RIMBP2: variants seen among roughly 807,000 people sequenced by gnomAD.
RIMBP2 encodes the protein RIMS-binding protein 2.
In RIMBP2, 48 loss-of-function variants were observed where a neutral mutation model predicts 118.6. That is an observed-to-expected ratio of 0.40 (90% CI 0.32 to 0.51). The LOEUF is 0.51. Among genes scored for constraint, RIMBP2 ranks in the 20% least tolerant of loss-of-function variants. RIMBP2 has a pLI of 0.41. For missense variants in RIMBP2, 1,551 were observed against 1,768.3 expected, an observed-to-expected ratio of 0.88 and a Z score of 2.20; for synonymous variants, 762 against 742.9, an observed-to-expected ratio of 1.03 and a Z score of -0.42.
intron 4 of RIMBP2, among the ~76,000 whole-genome samples, chr12:130,496,328 A>G (rs1480446592): frequency 4.6e-5 from 7 of 152,018 alleles, no homozygotes; most frequent in African/African-American, 1.7e-4. Context: ...CATGACTTTC[A>G]CCTACCACCA....
intron 1 of RIMBP2, among the ~76,000 whole-genome samples, chr12:130,697,996 C>T (rs749936408): frequency 1.1e-4 from 16 of 152,252 alleles, no homozygotes; most frequent in Non-Finnish European, 2.4e-4. Context: ...GGATTTGAGC[C>T]GTCTTCAACA....
intron 1 of RIMBP2, among the ~76,000 whole-genome samples, chr12:130,681,927 C>T (rs1371241941): frequency 6.6e-6 from 1 of 152,120 alleles, no homozygotes; most frequent in Non-Finnish European, 1.5e-5. Context: ...GAACTCCTGA[C>T]CTCAAGTGAT....
At chr12:130,638,726 A>G (rs2062463596) in intron 1 of RIMBP2, among the ~76,000 whole-genome samples, 1 of 152,112 alleles carries the variant, frequency 6.6e-6, no homozygotes, top group Non-Finnish European at 1.5e-5. Flanking sequence ...CCACTGAACT[A>G]TAGTACATTG....
In RIMBP2 at chr12:130,446,076, T is replaced by C. The variant is rs1364635041; in HGVS notation, c.582-807A>G. ...TATCCATATTCTCCAGTCCTCAACATATTGGGATTAATAATTTTCAAAGCC... is the reference window on the plus strand; with the variant it reads ...TATCCATATTCTCCAGTCCTCAACACATTGGGATTAATAATTTTCAAAGCC... On this transcript the variant is annotated intron_variant, in intron 9 of 22. Coordinates refer to ENST00000690449, the MANE Select transcript of RIMBP2 (RefSeq NM_001393629.1). The surrounding 1 kb of genome is among the most constrained non-coding windows in gnomAD (Gnocchi z 4.1). Among the ~76,000 whole-genome samples the C allele has an allele frequency of 1.4e-5, 2 of 146,384 alleles. No individual in the cohort carries two copies. Among genetic ancestry groups the C allele is most frequent in the Non-Finnish European group, 3.0e-5 (2 of 67,322 alleles).
intron 1 of RIMBP2, among the ~76,000 whole-genome samples, chr12:130,696,140 C>T (rs1385160031): frequency 1.3e-5 from 2 of 152,164 alleles, no homozygotes; most frequent in African/African-American, 4.8e-5. Context: ...TCCATGCTCA[C>T]GTCCCAGCCA....
At chr12:130,598,485 T>C (rs1338806939) in intron 2 of RIMBP2, among the ~76,000 whole-genome samples, 1 of 152,168 alleles carries the variant, frequency 6.6e-6, no homozygotes, top group Non-Finnish European at 1.5e-5. Context: ...TTCCAGCACT[T>C]TGGGATGCCA....
chr12:130,600,993 C>A (rs1458691021), intron 2 of RIMBP2, among the ~76,000 whole-genome samples: 2 of 152,166 alleles, frequency 1.3e-5, no homozygotes, highest in East Asian at 3.9e-4. Flanking sequence ...CCCTTGTAGC[C>A]ATCTCCAAGC....
intron 1 of RIMBP2, among the ~76,000 whole-genome samples, chr12:130,700,831 G>A (rs1162586842): frequency 6.6e-6 from 1 of 152,194 alleles, no homozygotes; most frequent in Non-Finnish European, 1.5e-5. Context: ...CAAGCACCTT[G>A]TGAGCACCTC....
intron 4 of RIMBP2, among the ~76,000 whole-genome samples, chr12:130,501,288 GT>G (rs199675639): frequency 1.3e-5 from 2 of 151,840 alleles, no homozygotes; most frequent in African/African-American, 2.4e-5. Flanking sequence ...TTCCACTCCT[GT>G]TTTTTTTCTG....
chr12:130,538,044 T>C (rs1193438847), intron 2 of RIMBP2, among the ~76,000 whole-genome samples: 2 of 152,032 alleles, frequency 1.3e-5, no homozygotes, highest in Non-Finnish European at 2.9e-5. Flanking sequence ...TGCAGGTCAG[T>C]AGAACCCCTC....
chr12:130,454,933 G>C (rs1397564007), intron 7 of RIMBP2, among the ~76,000 whole-genome samples: 1 of 152,212 alleles, frequency 6.6e-6, no homozygotes, highest in Non-Finnish European at 1.5e-5. Context: ...CCCTACACTG[G>C]ATGGAAACAT....
chr12:130,607,510 C>A (rs1215402439), intron 2 of RIMBP2, among the ~76,000 whole-genome samples: 2 of 152,160 alleles, frequency 1.3e-5, no homozygotes, highest in South Asian at 2.1e-4. Flanking sequence ...CAGAACCATG[C>A]TTCCACATGC....
Position 130,437,072 on chromosome 12 carries a change from C to T in RIMBP2, c.1876G>A (p.Glu626Lys), listed in dbSNP as rs141816554. The T allele has an allele frequency of 1.5e-4, 241 of 1,573,424 alleles. No individual in the cohort carries two copies. The Middle Eastern group carries it at 1.5e-3, about 10-fold the overall frequency. Reference sequence around the variant, plus strand: ...GGACCCAGGTGCTCGTCTTTGGTTTCGGGGACTCCAGAACTTGCTAATGGC... The same window carrying T: ...GGACCCAGGTGCTCGTCTTTGGTTTTGGGGACTCCAGAACTTGCTAATGGC... ...SKPLASSGVP[E>K]TKDEHLGPHA... The change falls in exon 13 of 23, where the codon GAA becomes AAA. Residue 626 changes from glutamate (E) to lysine (K), a missense_variant. Physicochemically the swap from Glu to Lys is moderately conservative, Grantham distance 56. Coordinates refer to ENST00000690449, the MANE Select transcript of RIMBP2 (RefSeq NM_001393629.1).
Position 130,399,827 on chromosome 12 carries a change from G to C in RIMBP2, c.3766-14C>G. Reference sequence around the variant, plus strand: ...ATTCAGCTCCCCCTAAAACACCAGGGGTGAGGCAGAAGAACTATTTATTTT... The same window carrying C: ...ATTCAGCTCCCCCTAAAACACCAGGCGTGAGGCAGAAGAACTATTTATTTT... On this transcript the variant is annotated splice_polypyrimidine_tract_variant and intron_variant, in intron 21 of 22. Coordinates refer to ENST00000690449, the MANE Select transcript of RIMBP2 (RefSeq NM_001393629.1). 1 of 1,613,650 alleles carries C rather than the reference G, an allele frequency of 6.2e-7. No homozygotes were observed. The highest frequency in any genetic ancestry group is 8.5e-7 in the Non-Finnish European group (1 of 1,179,846).
intron 9 of RIMBP2, among the ~76,000 whole-genome samples, chr12:130,449,094 G>T (rs765241042): frequency 6.6e-5 from 10 of 152,254 alleles, no homozygotes; most frequent in Non-Finnish European, 1.3e-4. Context: ...CTGAAGGGCA[G>T]GGATATCTGC....
At chr12:130,612,906 C>A (rs946360015) in intron 2 of RIMBP2, among the ~76,000 whole-genome samples, 1 of 148,808 alleles carries the variant, frequency 6.7e-6, no homozygotes, top group African/African-American at 2.5e-5. Flanking sequence ...TCCCTCCCCC[C>A]TCCCCCAAGT....
At chr12:130,695,303 C>G (rs1326509701) in intron 1 of RIMBP2, among the ~76,000 whole-genome samples, 2 of 152,132 alleles carry the variant, frequency 1.3e-5, no homozygotes, top group African/African-American at 2.4e-5. Flanking sequence ...AGGAGGACCA[C>G]GTGGCCTCAG....
chr12:130,688,113 G>C lies in RIMBP2; in HGVS notation c.-352+28109C>G, dbSNP rs1214339957. ...AGAGAGCTTACAAAATGACACACTC[G>C]GTGACCAGGCTCTGATGCCATTCCA... On this transcript the variant is annotated intron_variant, in intron 1 of 22. Coordinates refer to ENST00000690449, the MANE Select transcript of RIMBP2 (RefSeq NM_001393629.1). The surrounding 1 kb of genome is among the most constrained non-coding windows in gnomAD (Gnocchi z 4.7). Among the ~76,000 whole-genome samples, 1 of 152,132 alleles carries C rather than the reference G, an allele frequency of 6.6e-6. No homozygotes were observed. The highest frequency in any genetic ancestry group is 1.5e-5 in the Non-Finnish European group (1 of 68,032).
intron 1 of RIMBP2, among the ~76,000 whole-genome samples, chr12:130,701,998 C>T (rs1158328892): frequency 6.6e-6 from 1 of 152,092 alleles, no homozygotes; most frequent in Non-Finnish European, 1.5e-5. Flanking sequence ...ACGAAAGAGG[C>T]CCCCATGTGG....
Sources: allele counts gnomAD v4.1 joint callset (sites outside exome capture counted in the v4.1 genomes callset), GRCh38; gene constraint gnomAD v4.1.1; non-coding constraint Gnocchi (gnomAD v3.1); transcripts MANE v1.5; gene names NCBI Gene and HGNC (gene_info 2026-07-23, HGNC 2026-07-21).